NREP: variants seen among roughly 807,000 people sequenced by gnomAD.
NREP encodes the protein neuronal regeneration related protein.
A neutral mutation model predicts 8.6 loss-of-function variants in NREP; 5 were observed. The observed-to-expected ratio is 0.58, with a 90% CI of 0.30 to 1.22. The LOEUF is 1.22. Ranked by LOEUF, NREP falls within the 50% of genes most tolerant of loss-of-function variation. NREP has a pLI of 0.07. For missense variants in NREP, 86 were observed against 82.5 expected (o/e 1.04, Z -0.17); for synonymous variants, 27 against 28.0 (o/e 0.96, Z 0.11).
chr5:111,910,051 T>C (rs2112561271), intron 2 of NREP, among the ~76,000 whole-genome samples: 1 of 152,284 alleles, frequency 6.6e-6, no homozygotes, highest in East Asian at 1.9e-4. Context: ...ACTGTTATCA[T>C]ATAATGCACA....
intron 2 of NREP, among the ~76,000 whole-genome samples, chr5:111,969,984 A>G (rs1386038985): frequency 6.6e-6 from 1 of 152,160 alleles, no homozygotes; most frequent in Non-Finnish European, 1.5e-5. Flanking sequence ...GTACTTCCAC[A>G]CTCATTTGGT....
At position 111,913,724 on chromosome 5, in the gene NREP, G is replaced by A. The variant is rs143982761; in HGVS notation, c.135+61550C>T. 1.2e-3 allele frequency among the ~76,000 whole-genome samples: 180 copies of A among 152,154 alleles called. 1 individual carries two copies. Among genetic ancestry groups the A allele is most frequent in the African/African-American group, 3.9e-3 (164 of 41,532 alleles). On this transcript the variant is annotated intron_variant, in intron 2 of 3. Coordinates refer to the NREP transcript ENST00000395634. ...TTTGAGGAATAATTAAGATTTGTAG[G>A]GAGAAAAATGAATTCCCAGCTCTAC...
At chr5:111,780,770 T>C (rs1236635479) in intron 2 of NREP, among the ~76,000 whole-genome samples, 4 of 152,198 alleles carry the variant, frequency 2.6e-5, no homozygotes, top group Non-Finnish European at 5.9e-5. Context: ...TATTGCTTTT[T>C]GCAGCAATTT....
chr5:111,961,316 C>A (rs1379989652), intron 2 of NREP, among the ~76,000 whole-genome samples: 1 of 152,186 alleles, frequency 6.6e-6, no homozygotes, highest in African/African-American at 2.4e-5. Context: ...GGATTTAAGT[C>A]TGAAGAGGAA....
intron 2 of NREP, among the ~76,000 whole-genome samples, chr5:111,882,897 G>A (rs1248684465): frequency 2.6e-5 from 4 of 152,220 alleles, no homozygotes; most frequent in Non-Finnish European, 5.9e-5. Flanking sequence ...GACCATCGAG[G>A]CTAGGAAGAA....
intron 2 of NREP, among the ~76,000 whole-genome samples, chr5:111,886,311 G>A (rs1166809709): frequency 2.0e-5 from 3 of 152,148 alleles, no homozygotes; most frequent in African/African-American, 4.8e-5. Context: ...TCATTAAAAA[G>A]TCAGGAAACA....
chr5:111,746,417 G>A (rs994416002), intron 2 of NREP, among the ~76,000 whole-genome samples: 1 of 152,080 alleles, frequency 6.6e-6, no homozygotes, highest in African/African-American at 2.4e-5. Flanking sequence ...AGACTCCACA[G>A]GGCAGTAAGA....
chr5:111,973,277 G>A (rs1325788031), intron 2 of NREP, among the ~76,000 whole-genome samples: 1 of 151,894 alleles, frequency 6.6e-6, no homozygotes, highest in Non-Finnish European at 1.5e-5. Context: ...AAAAAAAAAT[G>A]GTTGTAATTT....
intron 2 of NREP, among the ~76,000 whole-genome samples, chr5:111,892,976 C>T (rs778337959): frequency 6.6e-6 from 1 of 152,170 alleles, no homozygotes; most frequent in Non-Finnish European, 1.5e-5. Flanking sequence ...AAATCTAAAA[C>T]TCCAGTGGAA....
chr5:111,900,193 A>G (rs1361166253), intron 2 of NREP, among the ~76,000 whole-genome samples: 7 of 152,088 alleles, frequency 4.6e-5, no homozygotes, highest in Non-Finnish European at 1.0e-4. Flanking sequence ...CTCATGGGTC[A>G]AGGAAGAAAT....
chr5:111,884,853 C>A (rs547193644), intron 2 of NREP, among the ~76,000 whole-genome samples: 1 of 152,162 alleles, frequency 6.6e-6, no homozygotes, highest in South Asian at 2.1e-4. Flanking sequence ...CTATGACAAA[C>A]CCACAGCCAA....
intron 2 of NREP, among the ~76,000 whole-genome samples, chr5:111,925,238 G>A (rs983100503): frequency 1.5e-4 from 22 of 144,732 alleles, no homozygotes; most frequent in East Asian, 4.0e-4. Context: ...TTCTGCTGGA[G>A]CATTTGGGAG....
intron 2 of NREP, among the ~76,000 whole-genome samples, chr5:111,803,568 A>C (rs1296464676): frequency 6.6e-6 from 1 of 152,166 alleles, no homozygotes; most frequent in East Asian, 1.9e-4. Flanking sequence ...ATAAAAGCTT[A>C]TCTTTTATTG....
At chr5:111,818,943 T>C (rs189440705) in intron 2 of NREP, among the ~76,000 whole-genome samples, 1 of 152,344 alleles carries the variant, frequency 6.6e-6, no homozygotes, top group East Asian at 1.9e-4. Flanking sequence ...ATACCATTTA[T>C]TATTTGTAAG....
chr5:111,967,014 A>G (rs899363708), intron 2 of NREP, among the ~76,000 whole-genome samples: 3 of 152,246 alleles, frequency 2.0e-5, no homozygotes, highest in African/African-American at 7.2e-5. Context: ...GGCCATGTCT[A>G]AAGACATTTT....
chr5:111,792,412 T>C (rs1028147504), intron 2 of NREP, among the ~76,000 whole-genome samples: 1 of 152,254 alleles, frequency 6.6e-6, no homozygotes, highest in Non-Finnish European at 1.5e-5. Flanking sequence ...AGAGGTTTAA[T>C]ATATGTTTTG....
At chr5:111,806,860 C>G (rs928960583) in intron 2 of NREP, among the ~76,000 whole-genome samples, 4 of 151,998 alleles carry the variant, frequency 2.6e-5, no homozygotes, top group Admixed American at 2.6e-4. Flanking sequence ...GGTGAGTGTA[C>G]TTTACTAACA....
intron 2 of NREP, among the ~76,000 whole-genome samples, chr5:111,745,005 C>A (rs1213573521): frequency 2.0e-5 from 3 of 152,090 alleles, no homozygotes; most frequent in Non-Finnish European, 1.5e-5. Context: ...TAGTTGGAAC[C>A]CACAGAGACA....
intron 1 of NREP, chr5:111,756,095 T>G: frequency 8.7e-7 from 1 of 1,148,944 alleles, no homozygotes; most frequent in South Asian, 3.0e-5. Flanking sequence ...ATTGCATGAG[T>G]TCAAAAGGTT....
Sources: gnomAD v4.1 joint callset for allele counts (sites outside exome capture counted in the v4.1 genomes callset) on GRCh38, gnomAD v4.1.1 for gene constraint, MANE v1.5 for transcripts, NCBI Gene and HGNC (gene_info 2026-07-23, HGNC 2026-07-21) for gene names.